LBHD1: variants seen among roughly 807,000 people sequenced by gnomAD.
LBHD1 encodes LBH domain containing 1.
Under a neutral mutation model 31.1 loss-of-function variants are expected in LBHD1, and 28 were observed. That is an observed-to-expected ratio of 0.90 (90% CI 0.67 to 1.24). The LOEUF (loss-of-function observed/expected upper bound fraction) is 1.24. LBHD1 is among the 50% of genes most tolerant of loss of function. The pLI is 0.00. For missense variants in LBHD1, 350 were observed against 323.0 expected (o/e 1.08, Z -0.64); for synonymous variants, 105 against 116.5 (o/e 0.90, Z 0.63).
intron 1 of LBHD1, 48 bp from the exon 2 acceptor site, chr11:62,670,089 T>A: frequency 6.5e-7 from 1 of 1,534,344 alleles, no homozygotes. Flanking sequence ...TGCTGCCCAG[T>A]GCACCCCACA....
At chr11:62,666,755 G>GC (rs780945893) in intron 4 of LBHD1, 3 of 1,614,046 alleles carry the variant, frequency 1.9e-6, no homozygotes, top group African/African-American at 1.3e-5. Context: ...CTTCATGCAC[G>GC]CCGATGCTCA....
Position 62,669,621 on chromosome 11 carries a change from G to A in LBHD1, c.313+20C>T. On this transcript the variant is annotated intron_variant, in intron 3 of 6. Transcript: ENST00000354588. ...AACATTCAGCTCACAGTGGCCCCCT[G>A]AATGAGCCACCTCCCTCACCTGGCT... is the stretch of plus-strand genomic sequence containing the variant. 2 of 1,603,712 alleles carry A rather than the reference G, an allele frequency of 1.2e-6. No individual in the cohort carries two copies. Among genetic ancestry groups the A allele is most frequent in the African/African-American group, 2.7e-5 (2 of 74,884 alleles).
At position 62,662,828 on chromosome 11, in the gene LBHD1, G is replaced by A. The variant is rs151001215; in HGVS notation, c.*301C>T. ...TAATCACACACATCTCAGAGTGCTA[G>A]GGCTTTATTACAAATGGAGTTGACT... On this transcript the variant is annotated 3_prime_UTR_variant, in exon 7 of 7. Coordinates refer to ENST00000354588, the MANE Select transcript of LBHD1 (RefSeq NM_024099.5). 9,290 of 555,106 alleles carry A rather than the reference G, an allele frequency of 0.017. 109 individuals carry two copies. Among genetic ancestry groups the A allele is most frequent in the Non-Finnish European group, 0.021 (6,615 of 315,222 alleles). 34.4% of individuals were successfully genotyped at this position (555,106 alleles called of 1,614,324 possible). A position where few individuals can be genotyped will look rare whatever the true frequency, so the allele number is the denominator to read the frequency against.
rs1178719618 is a variant in LBHD1 at position 62,671,548 on chromosome 11, AC to A, written c.-11+15del. 7 of 1,424,140 alleles carry A rather than the reference AC, an allele frequency of 4.9e-6. No individual in the cohort carries two copies. The South Asian group carries it at 1.1e-4, about 21-fold the overall frequency. The allele number at this position is 1,424,140 out of a possible 1,614,324, so 88.2% of individuals were successfully genotyped here. A position where few individuals can be genotyped will look rare whatever the true frequency, so the allele number is the denominator to read the frequency against. The stretch of plus-strand genomic sequence containing the variant: ...GTGCCAGCACTTCTTGGACACCTCA[AC>A]CCCCTCAGCTAAACCTGAGATCCAA... On this transcript the variant is annotated intron_variant, in intron 1 of 6. Transcript: ENST00000354588.
In LBHD1 at chr11:62,663,092, G is replaced by T; in HGVS notation, c.*37C>A. On this transcript the variant is annotated 3_prime_UTR_variant, in exon 7 of 7. Transcript: ENST00000354588. Reference sequence around the variant, plus strand: ...GGTCCTTCATTTCTACATCCTGGGGGGCTTTTGTCTTCTTTTGCCTTTTGA... The same window carrying T: ...GGTCCTTCATTTCTACATCCTGGGGTGCTTTTGTCTTCTTTTGCCTTTTGA... 6.2e-7 allele frequency: 1 copy of T among 1,612,880 alleles called. No individual in the cohort carries two copies. The highest frequency in any genetic ancestry group is 8.5e-7 in the Non-Finnish European group (1 of 1,179,286).
intron 4 of LBHD1, 111 bp from the exon 5 acceptor site, chr11:62,665,084 G>A: frequency 6.8e-7 from 1 of 1,472,058 alleles, no homozygotes; most frequent in Non-Finnish European, 9.3e-7. Context: ...AGATAAAAGG[G>A]CTCAGGAACG....
intron 4 of LBHD1, chr11:62,665,483 G>A (rs947183057): frequency 5.7e-6 from 9 of 1,576,954 alleles, no homozygotes; most frequent in East Asian, 4.6e-5. Flanking sequence ...CGGAGGAAGA[G>A]GGAAAGGGCT....
rs751735040 is a variant in LBHD1, at chr11:62,666,739, C to T, written c.538+784G>A. 34 of 1,614,048 alleles carry T rather than the reference C, an allele frequency of 2.1e-5. No individual in the cohort carries two copies. The African/African-American group carries it at 3.9e-4, about 18-fold the overall frequency. On this transcript the variant is annotated intron_variant, in intron 4 of 6. Transcript: ENST00000354588. ...TATGCCCTGGACACCCTGCCTCAAG[C>T]CTCCACTTCATGCACGCCGATGCTC...
chr11:62,672,256 G>A lies in LBHD1; in HGVS notation c.-703C>T, dbSNP rs575958675. 7.3e-5 allele frequency: 64 copies of A among 880,888 alleles called. No homozygotes were observed. The African/African-American group carries it at 7.7e-4, about 11-fold the overall frequency. The allele number at this position is 880,888 out of a possible 1,614,324, so 54.6% of individuals were successfully genotyped here. On this transcript the variant is annotated 5_prime_UTR_variant, in exon 1 of 7. Transcript: ENST00000354588. Reference sequence around the variant, plus strand: ...CCGGGGTCCTGTGAGCTGCCGTCGGGTGAGCACGTTTCCCCCAAACCCTGG... The same window carrying A: ...CCGGGGTCCTGTGAGCTGCCGTCGGATGAGCACGTTTCCCCCAAACCCTGG...
intron 4 of LBHD1, chr11:62,666,237 G>A: frequency 1.2e-6 from 1 of 806,772 alleles, no homozygotes; most frequent in South Asian, 1.5e-5. Context: ...TCAGGAGGCT[G>A]AGGTGGAGGC....
chr11:62,671,394 G>T, intron 1 of LBHD1, 170 bp downstream of exon 1: 1 of 1,264,508 alleles, frequency 7.9e-7, no homozygotes, highest in Non-Finnish European at 1.0e-6. Context: ...GGCCTCTACT[G>T]ATCGGGAAAC....
chr11:62,672,129 C>T lies in LBHD1; in HGVS notation c.-576G>A. On this transcript the variant is annotated 5_prime_UTR_variant, in exon 1 of 7. Coordinates refer to ENST00000354588, the MANE Select transcript of LBHD1 (RefSeq NM_024099.5). ...GGTCACCGTGAGACCGGACTTGCCT[C>T]CGTGGGCGCCGGACCTTGGCTTGGG... is the stretch of plus-strand genomic sequence containing the variant. The T allele has an allele frequency of 6.4e-7, 1 of 1,556,370 alleles. No individual in the cohort carries two copies.
intron 4 of LBHD1, chr11:62,666,270 A>T: frequency 1.0e-6 from 1 of 957,548 alleles, no homozygotes; most frequent in Non-Finnish European, 1.6e-6. Context: ...TCATTGTGCT[A>T]CTGTACTCAA....
At chr11:62,670,886 G>C (rs1944926706) in intron 1 of LBHD1, 1 of 168,612 alleles carries the variant, frequency 5.9e-6, no homozygotes, top group Non-Finnish European at 1.3e-5. Flanking sequence ...ACTCCAGCTG[G>C]GCAACAGAGT....
intron 3 of LBHD1, chr11:62,668,095 C>T: frequency 4.7e-6 from 1 of 211,688 alleles, no homozygotes; most frequent in East Asian, 1.0e-4. Flanking sequence ...GCAATTATAT[C>T]ACTAAGAGCC....
rs1206660934 is a variant in LBHD1 at position 62,669,940 on chromosome 11, G to A, written c.92C>T (p.Pro31Leu). 1.2e-6 allele frequency: 2 copies of A among 1,614,058 alleles called. No homozygotes were observed. The highest frequency in any genetic ancestry group is 1.3e-5 in the African/African-American group (1 of 74,920). Residue 31 changes from proline (P) to leucine (L), a missense_variant, in exon 2 of 7, where the codon CCC becomes CTC. Pro to Leu is a moderately conservative substitution (Grantham distance 98, BLOSUM62 -3). Coordinates refer to ENST00000354588, the MANE Select transcript of LBHD1 (RefSeq NM_024099.5). ...TTTTCCTCTGTCCCAGAGAGGGTTG[G>A]GCAGCCTGGGACTTTCTGGATGCTG... Reference protein sequence around the residue: ...SSQHPESPRLPNPLWDRGKIG... With the variant: ...SSQHPESPRLLNPLWDRGKIG...
intron 4 of LBHD1, chr11:62,665,567 A>G (rs1277669199): frequency 2.6e-6 from 4 of 1,568,482 alleles, no homozygotes; most frequent in Admixed American, 3.4e-5. Context: ...ACGCCGGGAC[A>G]CCGGGAATCT....
In LBHD1 at chr11:62,662,842, ATGGAGT is replaced by A. The variant is rs143302349; in HGVS notation, c.*281_*286del. ...TCAGAGTGCTAGGGCTTTATTACAAATGGAGTTGACTGCTAGAGAGGCCCTTCTCCA... is the reference window on the plus strand; with the variant it reads ...TCAGAGTGCTAGGGCTTTATTACAAATGACTGCTAGAGAGGCCCTTCTCCA... On this transcript the variant is annotated 3_prime_UTR_variant, in exon 7 of 7. Coordinates refer to ENST00000354588, the MANE Select transcript of LBHD1 (RefSeq NM_024099.5). 0.04 allele frequency: 22,964 copies of A among 571,316 alleles called. 2,336 individuals carry two copies. Among genetic ancestry groups the A allele is most frequent in the African/African-American group, 0.29 (15,477 of 53,444 alleles). The allele number at this position is 571,316 out of a possible 1,614,324, so 35.4% of individuals were successfully genotyped here.
chr11:62,667,505 G>C lies in LBHD1; in HGVS notation c.538+18C>G. 6.3e-7 allele frequency: 1 copy of C among 1,599,740 alleles called. No individual in the cohort carries two copies. ...TAAACCTGGATGAGATATTTGAGGG[G>C]GAGGGAACAATACTTACCCTCAAAG... is the stretch of plus-strand genomic sequence containing the variant. On this transcript the variant is annotated intron_variant, in intron 4 of 6. Coordinates refer to ENST00000354588, the MANE Select transcript of LBHD1 (RefSeq NM_024099.5).
Sources: gnomAD v4.1 joint callset for allele counts on GRCh38, gnomAD v4.1.1 for gene constraint, MANE v1.5 for transcripts, NCBI Gene and HGNC (gene_info 2026-07-23, HGNC 2026-07-21) for gene names.